The following AKR1C8 variants were observed in gnomAD, a reference collection of about 807,000 sequenced individuals.
The protein encoded by AKR1C8 is aldo-keto reductase family 1 member C8.
At chr10:5,144,232 T>C in the AKR1C8 span, among the ~76,000 whole-genome samples, 3 of 152,148 alleles carry the variant, frequency 2.0e-5, no homozygotes, top group African/African-American at 7.2e-5. Flanking sequence ...CATTGATCTA[T>C]ATCTCTGTTT....
chr10:5,176,892 G>T, the AKR1C8 span, among the ~76,000 whole-genome samples: 2 of 152,122 alleles, frequency 1.3e-5, no homozygotes, highest in South Asian at 2.1e-4. Flanking sequence ...AGACGATGGG[G>T]TTTTCTAGAT....
At chr10:5,162,314 T>G in the AKR1C8 span, among the ~76,000 whole-genome samples, 1 of 152,204 alleles carries the variant, frequency 6.6e-6, no homozygotes, top group African/African-American at 2.4e-5. Flanking sequence ...TTGTCCTGTA[T>G]AATAAATTCC....
At chr10:5,149,037 C>G in the AKR1C8 span, among the ~76,000 whole-genome samples, 2 of 152,064 alleles carry the variant, frequency 1.3e-5, no homozygotes, top group Non-Finnish European at 2.9e-5. Flanking sequence ...AAAAACTCTA[C>G]AGTCAGTAAG....
the AKR1C8 span, among the ~76,000 whole-genome samples, chr10:5,177,848 C>T: frequency 1.3e-5 from 2 of 152,100 alleles, no homozygotes; most frequent in African/African-American, 2.4e-5. Context: ...TTTTTTACTG[C>T]ATCTATTTGA....
the AKR1C8 span, among the ~76,000 whole-genome samples, chr10:5,117,638 T>C: frequency 1.3e-5 from 2 of 152,146 alleles, no homozygotes; most frequent in Non-Finnish European, 2.9e-5. Context: ...GCTCACAGTC[T>C]GGTGGCTGTA....
At chr10:5,148,997 T>C in the AKR1C8 span, among the ~76,000 whole-genome samples, 1 of 151,998 alleles carries the variant, frequency 6.6e-6, no homozygotes, top group African/African-American at 2.4e-5. Flanking sequence ...AGGAAAGGAA[T>C]CCTGGAAGAC....
the AKR1C8 span, among the ~76,000 whole-genome samples, chr10:5,120,622 C>T: frequency 3.9e-5 from 6 of 152,094 alleles, no homozygotes; most frequent in Non-Finnish European, 8.8e-5. Flanking sequence ...AGTCTAAACA[C>T]TCTCATGAGG....
At chr10:5,172,871 A>T in the AKR1C8 span, among the ~76,000 whole-genome samples, 7 of 152,150 alleles carry the variant, frequency 4.6e-5, no homozygotes, top group African/African-American at 1.4e-4. Flanking sequence ...AGACAACCAG[A>T]AGAAGATCTA....
chr10:5,131,914 G>C, the AKR1C8 span, among the ~76,000 whole-genome samples: 1 of 152,086 alleles, frequency 6.6e-6, no homozygotes, highest in Non-Finnish European at 1.5e-5. Flanking sequence ...ATTCACAATT[G>C]CAAAAATATA....
At chr10:5,176,404 G>C in the AKR1C8 span, among the ~76,000 whole-genome samples, 1 of 144,800 alleles carries the variant, frequency 6.9e-6, no homozygotes, top group African/African-American at 2.5e-5. Context: ...TTTGAAGTCA[G>C]GTAGTGTGAT....
chr10:5,162,348 C>A, the AKR1C8 span, among the ~76,000 whole-genome samples: 1 of 152,152 alleles, frequency 6.6e-6, no homozygotes, highest in African/African-American at 2.4e-5. Context: ...TCTGAGAGAC[C>A]TACATTCTAA....
At chr10:5,165,973 T>C in the AKR1C8 span, among the ~76,000 whole-genome samples, 1 of 152,222 alleles carries the variant, frequency 6.6e-6, no homozygotes, top group Non-Finnish European at 1.5e-5. Context: ...GGGTGACTCC[T>C]ATAACAGTCA....
chr10:5,117,621 T>C, the AKR1C8 span, among the ~76,000 whole-genome samples: 1 of 152,006 alleles, frequency 6.6e-6, no homozygotes, highest in South Asian at 2.1e-4. Context: ...AAAGAAGAGG[T>C]TTGTTGGCTC....
At chr10:5,139,776 G>A in the AKR1C8 span, among the ~76,000 whole-genome samples, 6 of 151,996 alleles carry the variant, frequency 3.9e-5, no homozygotes, top group Non-Finnish European at 5.9e-5. Context: ...AAAAACAATG[G>A]CAACAAAAGC....
chr10:5,163,802 AACTAC>A, the AKR1C8 span, among the ~76,000 whole-genome samples: 19 of 152,284 alleles, frequency 1.2e-4, no homozygotes, highest in African/African-American at 4.6e-4. Flanking sequence ...ACATACCAAC[AACTAC>A]ACTAATAAGA....
the AKR1C8 span, among the ~76,000 whole-genome samples, chr10:5,173,002 G>T: frequency 1.3e-5 from 2 of 152,142 alleles, no homozygotes; most frequent in Non-Finnish European, 2.9e-5. Context: ...ATAGCTGGAA[G>T]ACAAAGGCAG....
chr10:5,121,862 A>G, the AKR1C8 span, among the ~76,000 whole-genome samples: 2 of 152,104 alleles, frequency 1.3e-5, no homozygotes, highest in African/African-American at 4.8e-5. Flanking sequence ...AAAAAAAGTG[A>G]TTCACAATGG....
chr10:5,138,902 A>G, the AKR1C8 span, among the ~76,000 whole-genome samples: 1 of 152,190 alleles, frequency 6.6e-6, no homozygotes, highest in Non-Finnish European at 1.5e-5. Flanking sequence ...TTATATATCT[A>G]GAAAACCCCA....
the AKR1C8 span, chr10:5,123,852 T>A: frequency 6.3e-7 from 1 of 1,592,010 alleles, no homozygotes; most frequent in Non-Finnish European, 8.6e-7. Context: ...AAACATCAGA[T>A]AATATGAAAC....
Sources: allele counts gnomAD v4.1 joint callset (sites outside exome capture counted in the v4.1 genomes callset), GRCh38; gene constraint gnomAD v4.1.1; transcripts MANE v1.5; gene names NCBI Gene and HGNC (gene_info 2026-07-23, HGNC 2026-07-21).